The following PREX2 variants were observed in gnomAD, a reference collection of about 807,000 sequenced individuals.
PREX2 encodes the protein phosphatidylinositol-3,4,5-trisphosphate dependent Rac exchange factor 2, also known as phosphatidylinositol 3,4,5-trisphosphate-dependent Rac exchanger 2 protein.
Under a neutral mutation model 203.2 loss-of-function variants are expected in PREX2, and 107 were observed. The ratio of observed to expected loss-of-function variants is 0.53; its 90% CI spans 0.45 to 0.62. The LOEUF (loss-of-function observed/expected upper bound fraction) is 0.62. Ranked by LOEUF, PREX2 falls within the 20% of genes least tolerant of loss-of-function variation. The pLI is 0.00. For missense variants in PREX2, 1,777 were observed against 1,955.9 expected, an observed-to-expected ratio of 0.91 and a Z score of 1.72; for synonymous variants, 672 against 663.6, an observed-to-expected ratio of 1.01 and a Z score of -0.19.
At chr8:68,071,970 T>C (rs1310962858) in intron 13 of PREX2, among the ~76,000 whole-genome samples, 7 of 152,138 alleles carry the variant, frequency 4.6e-5, no homozygotes, top group Non-Finnish European at 1.0e-4. Flanking sequence ...AAATTCTATT[T>C]TATTATTTTA....
chr8:67,968,344 G>T (rs1041545932), intron 1 of PREX2, among the ~76,000 whole-genome samples: 57 of 152,218 alleles, frequency 3.7e-4, no homozygotes, highest in African/African-American at 1.2e-3. Context: ...CTCGGATTCT[G>T]GTGCTGACAT....
intron 23 of PREX2, among the ~76,000 whole-genome samples, chr8:68,103,316 A>G (rs1428841902): frequency 3.3e-5 from 5 of 152,230 alleles, no homozygotes; most frequent in Admixed American, 6.5e-5. Context: ...TGCTTAATTG[A>G]AATAGGAAGC....
At chr8:68,003,921 T>C (rs1807019434) in intron 1 of PREX2, among the ~76,000 whole-genome samples, 1 of 143,696 alleles carries the variant, frequency 7.0e-6, no homozygotes, top group African/African-American at 2.6e-5. Flanking sequence ...CAATCTCGGC[T>C]CACTGCAACG....
chr8:68,112,508 G>C (rs1416548291), intron 25 of PREX2, among the ~76,000 whole-genome samples: 2 of 152,078 alleles, frequency 1.3e-5, no homozygotes, highest in African/African-American at 4.8e-5. Context: ...GGTGGTGGTG[G>C]TGGTGGTGGT....
At chr8:68,109,702 C>G (rs2129612834) in intron 25 of PREX2, 79 bp downstream of exon 25, 6 of 1,175,992 alleles carry the variant, frequency 5.1e-6, no homozygotes, top group Non-Finnish European at 6.2e-6. Flanking sequence ...TTCAATCATT[C>G]TCTCTTTAGT....
At position 68,127,476 on chromosome 8, in the gene PREX2, T is replaced by C. The variant is rs7845325; in HGVS notation, c.3766+57T>C. The C allele has an allele frequency of 3.0e-3, 3,761 of 1,259,668 alleles. 87 individuals are homozygous for C. In the African/African-American group the frequency reaches 0.05, roughly 17 times the overall value. The allele number at this position is 1,259,668 out of a possible 1,614,324, so 78.0% of individuals were successfully genotyped here. A position where few individuals can be genotyped will look rare whatever the true frequency, so the allele number is the denominator to read the frequency against. On this transcript the variant is annotated intron_variant, in intron 31 of 39. Coordinates refer to ENST00000288368, the MANE Select transcript of PREX2 (RefSeq NM_024870.4). The stretch of plus-strand genomic sequence containing the variant: ...TTTAAGTGATTGTGGCCCAGGATCA[T>C]AAAGGCCTTGAAATTTGAGGACAAC...
At position 68,231,415 on chromosome 8, in the gene PREX2, T is replaced by C. The variant is rs1813168687; in HGVS notation, c.*37T>C. 1 of 1,576,210 alleles carries C rather than the reference T, an allele frequency of 6.3e-7. No homozygotes were observed. The highest frequency in any genetic ancestry group is 8.6e-7 in the Non-Finnish European group (1 of 1,157,800). ...AAGAAACCAGGCAGGCAGAAGCTCC[T>C]GAATGCTGGACTAGACAAACTACAT... On this transcript the variant is annotated 3_prime_UTR_variant, in exon 40 of 40. Transcript: ENST00000288368.
At chr8:67,999,415 C>A (rs4498524) in intron 1 of PREX2, among the ~76,000 whole-genome samples, 4 of 148,116 alleles carry the variant, frequency 2.7e-5, no homozygotes, top group Non-Finnish European at 5.9e-5. Context: ...ATGAAGAAAT[C>A]GATTCCCTAA....
intron 35 of PREX2, among the ~76,000 whole-genome samples, chr8:68,191,472 A>G (rs1191708382): frequency 1.3e-5 from 2 of 152,206 alleles, no homozygotes. Flanking sequence ...CTCAAATTAT[A>G]AATGAGAAAA....
chr8:68,120,457 G>A (rs1810749034), intron 29 of PREX2, among the ~76,000 whole-genome samples, 171 bp downstream of exon 29: 1 of 152,130 alleles, frequency 6.6e-6, no homozygotes, highest in Non-Finnish European at 1.5e-5. Context: ...AAAAAAGTCA[G>A]CATAGGAATT....
In PREX2 at chr8:68,133,274, C is replaced by T. The variant is rs373564847; in HGVS notation, c.3767-785C>T. ...CCACCCCCATAATCCAATCACTTTCCGCCCGGTCTCTTCCTCAACACCTGG... is the reference window on the plus strand; with the variant it reads ...CCACCCCCATAATCCAATCACTTTCTGCCCGGTCTCTTCCTCAACACCTGG... On this transcript the variant is annotated intron_variant, in intron 31 of 39. Transcript: ENST00000288368. Among the ~76,000 whole-genome samples, 7 of 152,170 alleles carry T rather than the reference C, an allele frequency of 4.6e-5. No individual in the cohort carries two copies. The East Asian group carries it at 5.8e-4, about 13-fold the overall frequency.
At chr8:68,181,271 T>C (rs1485134330) in intron 35 of PREX2, among the ~76,000 whole-genome samples, 2 of 152,148 alleles carry the variant, frequency 1.3e-5, no homozygotes, top group Non-Finnish European at 2.9e-5. Context: ...TTCAATTATT[T>C]GATATATTTC....
intron 5 of PREX2, among the ~76,000 whole-genome samples, chr8:68,028,053 G>A (rs1807782268): frequency 6.6e-6 from 1 of 151,988 alleles, no homozygotes; most frequent in Admixed American, 6.6e-5. Context: ...TTAAGCACAT[G>A]AACTCTGAGT....
chr8:68,168,908 A>G (rs1585841682), intron 35 of PREX2, among the ~76,000 whole-genome samples: 1 of 57,970 alleles, frequency 1.7e-5, no homozygotes. Context: ...TCAGAAGATG[A>G]CTTTTTTTTT....
At chr8:68,020,355 T>C (rs1585711341) in intron 3 of PREX2, among the ~76,000 whole-genome samples, 1 of 138,628 alleles carries the variant, frequency 7.2e-6, no homozygotes, top group African/African-American at 2.8e-5. Flanking sequence ...AAAAAAAAAG[T>C]ATGCTGCTAC....
At chr8:68,110,154 T>C (rs1250082113) in intron 25 of PREX2, among the ~76,000 whole-genome samples, 1 of 152,236 alleles carries the variant, frequency 6.6e-6, no homozygotes, top group Non-Finnish European at 1.5e-5. Flanking sequence ...CCAGTATTTT[T>C]AACCAAGAGA....
chr8:67,958,270 C>T (rs568328690), intron 1 of PREX2, among the ~76,000 whole-genome samples: 59 of 152,248 alleles, frequency 3.9e-4, no homozygotes, highest in Non-Finnish European at 7.4e-4. Flanking sequence ...AGTAGAGATT[C>T]TTTCAGTTGG....
intron 39 of PREX2, among the ~76,000 whole-genome samples, chr8:68,224,873 AC>A (rs372290983): frequency 3.9e-5 from 6 of 152,204 alleles, no homozygotes; most frequent in African/African-American, 1.4e-4. Flanking sequence ...CACAGGCACT[AC>A]TAAAATTTGA....
chr8:68,160,591 C>CT, intron 35 of PREX2, among the ~76,000 whole-genome samples: 1 of 152,158 alleles, frequency 6.6e-6, no homozygotes, highest in East Asian at 1.9e-4. Context: ...CTGTCTTGGA[C>CT]TTACAGGGGT....
Sources: allele counts gnomAD v4.1 joint callset (sites outside exome capture counted in the v4.1 genomes callset), GRCh38; gene constraint gnomAD v4.1.1; transcripts MANE v1.5; gene names NCBI Gene and HGNC (gene_info 2026-07-23, HGNC 2026-07-21).